LRIF1: variants seen among roughly 807,000 people sequenced by gnomAD.
LRIF1 encodes the protein ligand dependent nuclear receptor interacting factor 1, also known as ligand-dependent nuclear receptor-interacting factor 1.
Under a neutral mutation model 52.7 loss-of-function variants are expected in LRIF1, and 32 were observed. That is an observed-to-expected ratio of 0.61 (90% confidence interval 0.46 to 0.82). The LOEUF is 0.82. Ranked by LOEUF, LRIF1 falls within the 40% of genes least tolerant of loss-of-function variation. The probability of loss-of-function intolerance (pLI) is 0.00; values close to 1 mark genes in which losing one functional copy is unlikely to be tolerated. For synonymous variants in LRIF1, 323 were observed against 317.4 expected (o/e 1.02, Z -0.19); for missense variants, 887 against 892.0 (o/e 0.99, Z 0.07).
the LRIF1 span, among the ~76,000 whole-genome samples, chr1:110,925,488 G>A: frequency 2.0e-5 from 3 of 151,804 alleles, no homozygotes; most frequent in Non-Finnish European, 4.4e-5. Context: ...TGTAGAACCC[G>A]GACCAATACA....
chr1:110,935,102 G>A, the LRIF1 span, among the ~76,000 whole-genome samples: 1 of 152,234 alleles, frequency 6.6e-6, no homozygotes. Context: ...ACCTCTATGA[G>A]TCTGCAAGAA....
At chr1:110,905,197 GA>G in the LRIF1 span, among the ~76,000 whole-genome samples, 1 of 152,156 alleles carries the variant, frequency 6.6e-6, no homozygotes, top group Non-Finnish European at 1.5e-5. Context: ...GGTAGAGAAA[GA>G]GATAGAAGTA....
the LRIF1 span, among the ~76,000 whole-genome samples, chr1:110,921,216 A>G: frequency 1.3e-5 from 2 of 152,134 alleles, no homozygotes; most frequent in Non-Finnish European, 2.9e-5. Context: ...TAATTAAGTT[A>G]CGAATTTGGT....
rs34396800 is a variant in LRIF1 at position 110,957,470 on chromosome 1, C to CAAAA, written c.69-4659_69-4656dup. Reference sequence around the variant, plus strand: ...TGGGCGACAAAGCAAGACTCAGTCTCAAAAAAAAAAAAAAAAAAAAAAGAC... The same window carrying CAAAA: ...TGGGCGACAAAGCAAGACTCAGTCTCAAAAAAAAAAAAAAAAAAAAAAAAAAGAC... On this transcript the variant is annotated intron_variant, in intron 1 of 3. Transcript: ENST00000369763. Among the ~76,000 whole-genome samples the CAAAA allele has an allele frequency of 1.9e-3, 80 of 42,790 alleles. 6 individuals are homozygous for CAAAA. Among genetic ancestry groups the CAAAA allele is most frequent in the African/African-American group, 6.9e-3 (61 of 8,824 alleles). 28.1% of individuals were successfully genotyped at this position (42,790 alleles called of 152,430 possible).
At chr1:110,945,112 G>A (rs542797543), downstream of LRIF1, 1 of 152,210 alleles carries the variant, frequency 6.6e-6, no homozygotes. Flanking sequence ...CGAACTCCTG[G>A]CCTCAAGTGA....
the LRIF1 span, among the ~76,000 whole-genome samples, chr1:110,926,588 T>C: frequency 6.6e-6 from 1 of 152,008 alleles, no homozygotes; most frequent in Non-Finnish European, 1.5e-5. Context: ...AAAGAAAATA[T>C]TAGAGTTTAA....
chr1:110,934,842 G>A, the LRIF1 span, among the ~76,000 whole-genome samples: 1 of 152,188 alleles, frequency 6.6e-6, no homozygotes, highest in East Asian at 1.9e-4. Flanking sequence ...AGGGCCTTAA[G>A]TGAACATAGA....
At chr1:110,920,754 A>T in the LRIF1 span, among the ~76,000 whole-genome samples, 23 of 152,348 alleles carry the variant, frequency 1.5e-4, no homozygotes, top group African/African-American at 5.5e-4. Context: ...GGGGCTGTCG[A>T]TAGTGGAAGA....
At chr1:110,913,842 G>C in the LRIF1 span, among the ~76,000 whole-genome samples, 1 of 152,088 alleles carries the variant, frequency 6.6e-6, no homozygotes, top group Non-Finnish European at 1.5e-5. Context: ...ACACACACTT[G>C]TATGTTCATT....
At chr1:110,910,814 A>G in the LRIF1 span, among the ~76,000 whole-genome samples, 1 of 152,228 alleles carries the variant, frequency 6.6e-6, no homozygotes, top group African/African-American at 2.4e-5. Context: ...ATGAAAACAA[A>G]AATACAACAT....
the LRIF1 span, chr1:110,937,352 C>CA: frequency 1.4e-4 from 22 of 151,812 alleles, no homozygotes; most frequent in Admixed American, 3.9e-4. Flanking sequence ...TTAAAACATT[C>CA]AAAAAAATTG....
At chr1:110,896,749 A>G in the LRIF1 span, 1 of 1,608,144 alleles carries the variant, frequency 6.2e-7, no homozygotes, top group Non-Finnish European at 8.5e-7. Flanking sequence ...TTTGTCGGCA[A>G]TGTTTCTGTT....
At chr1:110,886,869 A>ATATATATATTTTTTT in the LRIF1 span, among the ~76,000 whole-genome samples, 3 of 82,798 alleles carry the variant, frequency 3.6e-5, no homozygotes, top group African/African-American at 1.1e-4. Context: ...ATATATATAT[A>ATATATATATTTTTTT]TTTTTTTTTT....
At chr1:110,894,231 G>A in the LRIF1 span, 1 of 998,644 alleles carries the variant, frequency 1.0e-6, no homozygotes, top group Non-Finnish European at 1.6e-6. Context: ...GGAACACCCT[G>A]TACTCGTGCA....
chr1:110,948,418 T>C lies in LRIF1; in HGVS notation c.1870-19A>G, dbSNP rs761494634. On this transcript the variant is annotated intron_variant, in intron 3 of 3. Coordinates refer to ENST00000369763, the MANE Select transcript of LRIF1 (RefSeq NM_018372.4). Reference sequence around the variant, plus strand: ...AATTCTGCTGCAATATTGAATAACATTCCAAAACAAAAACGAAATGTTACT... The same window carrying C: ...AATTCTGCTGCAATATTGAATAACACTCCAAAACAAAAACGAAATGTTACT... 1 of 1,592,698 alleles carries C rather than the reference T, an allele frequency of 6.3e-7. No homozygotes were observed. The highest frequency in any genetic ancestry group is 2.2e-5 in the East Asian group (1 of 44,542).
At chr1:110,959,736 C>CA (rs11320169) in intron 1 of LRIF1, among the ~76,000 whole-genome samples, 2,839 of 55,472 alleles carry the variant, frequency 0.051, 94 homozygotes, top group African/African-American at 0.11. Context: ...GACTCCATCT[C>CA]AAAAAAAAAA....
chr1:110,924,116 A>G, the LRIF1 span, among the ~76,000 whole-genome samples: 6 of 152,266 alleles, frequency 3.9e-5, no homozygotes, highest in South Asian at 1.0e-3. Flanking sequence ...ACAATACATT[A>G]AAAGTTAGTT....
the LRIF1 span, among the ~76,000 whole-genome samples, chr1:110,889,625 C>T: frequency 2.9e-3 from 441 of 151,898 alleles, 2 homozygotes; most frequent in African/African-American, 0.01. Flanking sequence ...TATTGAGTAC[C>T]GGTCTTGCTG....
Position 110,947,287 on chromosome 1 carries a change from A to T in LRIF1, c.*672T>A, listed in dbSNP as rs1658239499. 1 of 152,228 alleles carries T rather than the reference A, an allele frequency of 6.6e-6. No individual in the cohort carries two copies. Among genetic ancestry groups the T allele is most frequent in the Non-Finnish European group, 1.5e-5 (1 of 68,046 alleles). 9.4% of individuals were successfully genotyped at this position (152,228 alleles called of 1,614,324 possible). A position where few individuals can be genotyped will look rare whatever the true frequency, so the allele number is the denominator to read the frequency against. ...CGTATGTACATAGTCCCAAAAAAAA[A>T]AAAAGCAGCATTTGCCTGGGAACAC... On this transcript the variant is annotated 3_prime_UTR_variant, in exon 4 of 4. Coordinates refer to ENST00000369763, the MANE Select transcript of LRIF1 (RefSeq NM_018372.4).
Sources: allele counts gnomAD v4.1 joint callset (sites outside exome capture counted in the v4.1 genomes callset), GRCh38; gene constraint gnomAD v4.1.1; transcripts MANE v1.5; gene names NCBI Gene and HGNC (gene_info 2026-07-23, HGNC 2026-07-21).